PCCA: variants seen among roughly 807,000 people sequenced by gnomAD.
PCCA encodes propionyl-CoA carboxylase subunit alpha, also known as propionyl-CoA carboxylase alpha chain, mitochondrial.
PCCA carries 74 observed loss-of-function variants against 101.3 expected under a neutral mutation model. The observed-to-expected ratio is 0.73, with a 90% CI of 0.61 to 0.89. PCCA has a LOEUF of 0.89. Among genes scored for constraint, PCCA ranks in the 40% least tolerant of loss-of-function variants. The probability of loss-of-function intolerance (pLI) is 0.00; values close to 1 mark genes in which losing one functional copy is unlikely to be tolerated. For missense variants in PCCA, 891 were observed against 907.0 expected (o/e 0.98, Z 0.23); for synonymous variants, 294 against 313.6 (o/e 0.94, Z 0.66).
At chr13:100,385,981 A>G (rs1409543639) in intron 19 of PCCA, among the ~76,000 whole-genome samples, 1 of 152,242 alleles carries the variant, frequency 6.6e-6, no homozygotes, top group Non-Finnish European at 1.5e-5. Context: ...AACAACCTCC[A>G]TGGAGAGCAA....
At chr13:100,218,541 G>A (rs1423390851) in intron 7 of PCCA, among the ~76,000 whole-genome samples, 1 of 152,136 alleles carries the variant, frequency 6.6e-6, no homozygotes, top group Non-Finnish European at 1.5e-5. Flanking sequence ...CCTGGGTCAT[G>A]TGGTAATTCT....
intron 4 of PCCA, among the ~76,000 whole-genome samples, chr13:100,145,805 T>C (rs1462978582): frequency 2.0e-5 from 3 of 148,678 alleles, no homozygotes; most frequent in African/African-American, 7.5e-5. Flanking sequence ...GAGGTTGCGG[T>C]GAGCCAAGAT....
chr13:100,442,015 A>G (rs1362002025), intron 20 of PCCA, among the ~76,000 whole-genome samples: 3 of 140,914 alleles, frequency 2.1e-5, no homozygotes, highest in African/African-American at 8.0e-5. Context: ...TATTTTTGAG[A>G]CAGAGTCTTG....
chr13:100,348,821 TTTC>T (rs773628967), intron 18 of PCCA, among the ~76,000 whole-genome samples: 3 of 146,306 alleles, frequency 2.1e-5, no homozygotes, highest in Admixed American at 6.8e-5. Context: ...CCTTCCTTTC[TTTC>T]TTTTCTCTCT....
At chr13:100,153,664 T>A (rs2053595953) in intron 4 of PCCA, among the ~76,000 whole-genome samples, 1 of 152,008 alleles carries the variant, frequency 6.6e-6, no homozygotes, top group Non-Finnish European at 1.5e-5. Context: ...CAACTTGAGG[T>A]TGGGGGCATA....
intron 18 of PCCA, among the ~76,000 whole-genome samples, chr13:100,344,036 C>G (rs2071804273): frequency 6.6e-6 from 1 of 152,216 alleles, no homozygotes; most frequent in Non-Finnish European, 1.5e-5. Flanking sequence ...GATCACGCCA[C>G]TGCACTCCAG....
At chr13:100,333,882 A>G (rs1182644488) in intron 17 of PCCA, among the ~76,000 whole-genome samples, 1 of 152,330 alleles carries the variant, frequency 6.6e-6, no homozygotes, top group East Asian at 1.9e-4. Context: ...TACTACTATG[A>G]TATTTGGACT....
chr13:100,377,382 A>G (rs961725614), intron 19 of PCCA, among the ~76,000 whole-genome samples: 3 of 152,064 alleles, frequency 2.0e-5, no homozygotes, highest in Non-Finnish European at 2.9e-5. Flanking sequence ...AATTTTTTCC[A>G]TCCCTTTACT....
At chr13:100,298,660 C>G (rs183720999) in intron 12 of PCCA, among the ~76,000 whole-genome samples, 2 of 5,096 alleles carry the variant, frequency 3.9e-4, no homozygotes, top group African/African-American at 8.1e-4. Context: ...CCCTCCCTCC[C>G]TCCCTCCCTC....
chr13:100,444,431 CTTTTTTTTTTT>C (rs57941571), intron 20 of PCCA, among the ~76,000 whole-genome samples: 1 of 45,400 alleles, frequency 2.2e-5, no homozygotes, highest in Non-Finnish European at 3.7e-5. Context: ...TTTGAACAAC[CTTTTTTTTTTT>C]TTTTTTTTTT....
At chr13:100,247,683 T>C (rs1048342618) in intron 8 of PCCA, among the ~76,000 whole-genome samples, 1 of 151,364 alleles carries the variant, frequency 6.6e-6, no homozygotes, top group Non-Finnish European at 1.5e-5. Flanking sequence ...CTGGCTAATT[T>C]TTTTGTATTT....
At chr13:100,480,049 C>T (rs1449488923) in intron 21 of PCCA, among the ~76,000 whole-genome samples, 1 of 152,168 alleles carries the variant, frequency 6.6e-6, no homozygotes, top group Non-Finnish European at 1.5e-5. Flanking sequence ...ACCTATGGAG[C>T]ATTTACTCTT....
intron 20 of PCCA, 44 bp from the exon 21 acceptor site, chr13:100,449,208 T>G: frequency 8.2e-7 from 1 of 1,220,040 alleles, no homozygotes; most frequent in South Asian, 1.4e-5. Flanking sequence ...ACATACAAGC[T>G]GTGCAGATAT....
chr13:100,377,224 G>A (rs556692797), intron 19 of PCCA, among the ~76,000 whole-genome samples: 33 of 152,204 alleles, frequency 2.2e-4, no homozygotes, highest in South Asian at 1.0e-3. Flanking sequence ...CTGATCTCGC[G>A]GGGAGCTACA....
intron 17 of PCCA, among the ~76,000 whole-genome samples, chr13:100,337,064 T>TACGTTCAC (rs1353945276): frequency 6.6e-6 from 1 of 152,174 alleles, no homozygotes; most frequent in East Asian, 1.9e-4. Context: ...ACTCTTGGTT[T>TACGTTCAC]ACGTTCACAC....
At position 100,368,556 on chromosome 13, in the gene PCCA, CA is replaced by C; in HGVS notation, c.1730del (p.Asn577MetfsTer14). 6.2e-7 allele frequency: 1 copy of C among 1,600,982 alleles called. No homozygotes were observed. Among genetic ancestry groups the C allele is most frequent in the Non-Finnish European group, 8.6e-7 (1 of 1,168,540 alleles). ...AAGTTCATACCGTAGTAGCATCAAA[CA>C]ATGGGTCAGTGTTCTCGGTGAGTTT... The part of the protein sequence containing the change: ...DKVHTVVASN[N>X]GSVFSVEVDG... On this transcript the variant is annotated frameshift_variant, in exon 19 of 24. Transcript: ENST00000376285. LOFTEE classifies it high-confidence loss of function.
chr13:100,495,632 A>G (rs2085220787), intron 21 of PCCA, among the ~76,000 whole-genome samples: 1 of 152,210 alleles, frequency 6.6e-6, no homozygotes, highest in Admixed American at 6.5e-5. Flanking sequence ...TGTTGGGTTA[A>G]TTTGGGAGAT....
intron 18 of PCCA, among the ~76,000 whole-genome samples, chr13:100,367,644 TG>T (rs920384415): frequency 6.6e-6 from 1 of 150,590 alleles, no homozygotes; most frequent in South Asian, 2.1e-4. Flanking sequence ...GTTTTTTTTT[TG>T]TTTTTTTTTT....
Position 100,448,660 on chromosome 13 carries a change from T to C in PCCA, c.1846-592T>C, listed in dbSNP as rs2081010006. Among the ~76,000 whole-genome samples the C allele has an allele frequency of 1.3e-5, 2 of 152,214 alleles. 1 individual carries two copies. The highest frequency in any genetic ancestry group is 2.9e-5 in the Non-Finnish European group (2 of 68,028). On this transcript the variant is annotated intron_variant, in intron 20 of 23. Transcript: ENST00000376285. ...AAACAAGATATATGCAAGTGATATA[T>C]TTGCTGTAAACAAATTTTATTTATA...
Sources: allele counts gnomAD v4.1 joint callset (sites outside exome capture counted in the v4.1 genomes callset), GRCh38; gene constraint gnomAD v4.1.1; transcripts MANE v1.5; gene names NCBI Gene and HGNC (gene_info 2026-07-23, HGNC 2026-07-21).